Variants in PHF14 observed in about 807,000 individuals in gnomAD.
PHF14 encodes the protein PHD finger protein 14.
In PHF14, 55 loss-of-function variants were observed where a neutral mutation model predicts 117.9. That is an observed-to-expected ratio of 0.47 (90% CI 0.38 to 0.58). The LOEUF is 0.58. PHF14 is among the 20% of genes least tolerant of loss of function. The pLI is 0.00. For missense variants in PHF14, 978 were observed against 1,122.2 expected, an observed-to-expected ratio of 0.87 and a Z score of 1.84; for synonymous variants, 409 against 368.6, an observed-to-expected ratio of 1.11 and a Z score of -1.26.
At chr7:11,168,019 C>CAAA (rs35327585) in intron 17 of PHF14, among the ~76,000 whole-genome samples, 2 of 122,584 alleles carry the variant, frequency 1.6e-5, no homozygotes, top group Non-Finnish European at 3.6e-5. Context: ...GAGTCCGTCT[C>CAAA]AAAAAAAAAA....
In PHF14 at chr7:10,973,937, C is replaced by G. The variant is rs143245221; in HGVS notation, c.-387C>G. Reference sequence around the variant, plus strand: ...ATTGTCTGAGGCAGCCGCCCTCGCGCTGTGCAATTTCTGGTCTTTCGTTGC... The same window carrying G: ...ATTGTCTGAGGCAGCCGCCCTCGCGGTGTGCAATTTCTGGTCTTTCGTTGC... On this transcript the variant is annotated 5_prime_UTR_variant, in exon 1 of 18. Transcript: ENST00000634607. The G allele has an allele frequency of 5.1e-6, 1 of 194,494 alleles. No individual in the cohort carries two copies. The highest frequency in any genetic ancestry group is 1.3e-4 in the East Asian group (1 of 7,416). 12.0% of individuals were successfully genotyped at this position (194,494 alleles called of 1,614,324 possible).
chr7:10,995,095 G>T lies in PHF14; in HGVS notation c.1045+4248G>T, dbSNP rs550329954. Among the ~76,000 whole-genome samples, 4 of 152,246 alleles carry T rather than the reference G, an allele frequency of 2.6e-5. No homozygotes were observed. The South Asian group carries it at 8.3e-4, about 32-fold the overall frequency. On this transcript the variant is annotated intron_variant, in intron 4 of 17. Transcript: ENST00000634607. ...TCCAAGTCCGCACAGAGCACTGATT[G>T]GTGCATTTACAAACCTTGAGCTAGA...
Position 11,107,151 on chromosome 7 carries a change from G to T in PHF14, c.2655-4199G>T, listed in dbSNP as rs1379948947. The T allele has an allele frequency of 5.1e-6, 5 of 984,364 alleles. No individual in the cohort carries two copies. In the African/African-American group the frequency reaches 8.7e-5, roughly 17 times the overall value. 61.0% of individuals were successfully genotyped at this position (984,364 alleles called of 1,614,324 possible). ...AAACCCTTTGGAATACTGACTTTTG[G>T]CCTCTTAGGCATTCGATGAAATAAA... On this transcript the variant is annotated intron_variant, in intron 16 of 17. Transcript: ENST00000634607.
At chr7:11,142,776 A>T (rs1355980942) in intron 17 of PHF14, among the ~76,000 whole-genome samples, 1 of 152,146 alleles carries the variant, frequency 6.6e-6, no homozygotes, top group East Asian at 1.9e-4. Flanking sequence ...TACAAATGAA[A>T]TAGTTCCTGT....
intron 14 of PHF14, among the ~76,000 whole-genome samples, chr7:11,056,799 T>G (rs1448251111): frequency 6.7e-6 from 1 of 148,734 alleles, no homozygotes; most frequent in African/African-American, 2.4e-5. Flanking sequence ...AATTTTATAT[T>G]CTTAGGAATT....
At chr7:11,127,867 C>T (rs942538692) in intron 17 of PHF14, among the ~76,000 whole-genome samples, 1 of 151,992 alleles carries the variant, frequency 6.6e-6, no homozygotes, top group African/African-American at 2.4e-5. Context: ...AATCAAATAT[C>T]CTATCACCAT....
chr7:11,144,641 C>T (rs568117492), intron 17 of PHF14, among the ~76,000 whole-genome samples: 3 of 149,620 alleles, frequency 2.0e-5, no homozygotes, highest in South Asian at 4.2e-4. Flanking sequence ...ATGTTCCTAA[C>T]GTTTTTATAT....
At chr7:11,121,253 G>A (rs536172679) in intron 17 of PHF14, among the ~76,000 whole-genome samples, 2 of 152,278 alleles carry the variant, frequency 1.3e-5, no homozygotes, top group South Asian at 2.1e-4. Context: ...TCCTTGTTGA[G>A]TCTGGAAGTT....
intron 3 of PHF14, among the ~76,000 whole-genome samples, chr7:10,985,643 T>A (rs1204225735): frequency 8.6e-6 from 1 of 116,014 alleles, no homozygotes; most frequent in Non-Finnish European, 1.7e-5. Context: ...AAACTGTTTT[T>A]TTTTTTTTTT....
chr7:11,106,461 T>G (rs1787269922), intron 16 of PHF14: 1 of 948,376 alleles, frequency 1.1e-6, no homozygotes, highest in African/African-American at 1.8e-5. Context: ...GCACTAAAAT[T>G]GTTGTAAATT....
At chr7:11,009,420 A>G (rs1783257301) in intron 4 of PHF14, among the ~76,000 whole-genome samples, 1 of 152,286 alleles carries the variant, frequency 6.6e-6, no homozygotes, top group South Asian at 2.1e-4. Context: ...TTAGTCAAAG[A>G]TTGATGCTAA....
intron 14 of PHF14, among the ~76,000 whole-genome samples, chr7:11,057,876 TAAA>T (rs11384468): frequency 6.6e-6 from 1 of 151,458 alleles, no homozygotes; most frequent in Non-Finnish European, 1.5e-5. Flanking sequence ...ATCAAGTTCT[TAAA>T]AAAAAGAAAA....
At chr7:11,027,754 C>T in intron 6 of PHF14, among the ~76,000 whole-genome samples, 1 of 152,006 alleles carries the variant, frequency 6.6e-6, no homozygotes, top group East Asian at 1.9e-4. Flanking sequence ...GGTTGTAATG[C>T]CTAGATTTTT....
At chr7:11,040,520 T>C (rs934894312) in intron 11 of PHF14, among the ~76,000 whole-genome samples, 152 bp from the exon 12 acceptor site, 4 of 152,102 alleles carry the variant, frequency 2.6e-5, no homozygotes, top group Non-Finnish European at 5.9e-5. Context: ...AAAAAGCTCA[T>C]TTTAATCCTT....
At chr7:11,106,484 A>G (rs965088432) in intron 16 of PHF14, 22 of 949,808 alleles carry the variant, frequency 2.3e-5, no homozygotes, top group Admixed American at 6.2e-5. Flanking sequence ...AAGGAATAAA[A>G]TATTGTACTT....
chr7:11,081,173 G>A (rs1033028707), intron 16 of PHF14, among the ~76,000 whole-genome samples: 4 of 152,154 alleles, frequency 2.6e-5, no homozygotes, highest in Admixed American at 6.5e-5. Context: ...TTTGGAAAAC[G>A]AGATAAGCAC....
In PHF14 at chr7:11,130,666, A is replaced by T. The variant is rs1350796731; in HGVS notation, c.2772+19199A>T. ...GTTAAAAATTGATGAGCCAGTATTG[A>T]TACATTATTATTAACTAAAGTTTGT... On this transcript the variant is annotated intron_variant, in intron 17 of 17. Transcript: ENST00000634607. The surrounding 1 kb of genome is among the most constrained non-coding windows in gnomAD (Gnocchi z 4.2). Among the ~76,000 whole-genome samples, 1 of 151,910 alleles carries T rather than the reference A, an allele frequency of 6.6e-6. No homozygotes were observed. The highest frequency in any genetic ancestry group is 1.5e-5 in the Non-Finnish European group (1 of 67,930).
chr7:11,018,557 T>C (rs919643433), intron 5 of PHF14, among the ~76,000 whole-genome samples: 3 of 152,194 alleles, frequency 2.0e-5, no homozygotes, highest in Non-Finnish European at 2.9e-5. Flanking sequence ...TTCACTGTTG[T>C]CACGTAGACA....
intron 16 of PHF14, among the ~76,000 whole-genome samples, chr7:11,080,356 A>G (rs1016783856): frequency 6.6e-5 from 10 of 152,186 alleles, no homozygotes; most frequent in African/African-American, 2.4e-4. Flanking sequence ...GATTGACTAA[A>G]CACTACTTGG....
Sources: allele counts gnomAD v4.1 joint callset (sites outside exome capture counted in the v4.1 genomes callset), GRCh38; gene constraint gnomAD v4.1.1; non-coding constraint Gnocchi (gnomAD v3.1); transcripts MANE v1.5; gene names NCBI Gene and HGNC (gene_info 2026-07-23, HGNC 2026-07-21).